GRM1: variants seen among roughly 807,000 people sequenced by gnomAD.
GRM1 encodes the protein metabotropic glutamate receptor 1.
A neutral mutation model predicts 90.9 loss-of-function variants in GRM1; 33 were observed. That is an observed-to-expected ratio of 0.36 (90% CI 0.28 to 0.49). The LOEUF (loss-of-function observed/expected upper bound fraction) is 0.49, where lower values mean the gene tolerates loss of function less well. GRM1 is among the 20% of genes least tolerant of loss of function. The pLI, the probability that GRM1 is intolerant of heterozygous loss-of-function variation, is 0.99. For missense variants in GRM1, 1,190 were observed against 1,534.3 expected, an observed-to-expected ratio of 0.78 and a Z score of 3.75; for synonymous variants, 700 against 613.2, an observed-to-expected ratio of 1.14 and a Z score of -2.09.
At chr6:146,178,884 C>A (rs988137259) in intron 2 of GRM1, among the ~76,000 whole-genome samples, 2 of 152,150 alleles carry the variant, frequency 1.3e-5, no homozygotes. Flanking sequence ...TAAGGTGAAG[C>A]TGGGTTAGGA....
chr6:146,313,738 C>T (rs1562601231), intron 3 of GRM1, among the ~76,000 whole-genome samples: 1 of 151,714 alleles, frequency 6.6e-6, no homozygotes, highest in Admixed American at 6.6e-5. Flanking sequence ...TAAAGTGCAC[C>T]AAAAAAATTG....
intron 2 of GRM1, among the ~76,000 whole-genome samples, chr6:146,181,250 CAAAA>C (rs1023322491): frequency 6.9e-6 from 1 of 145,740 alleles, no homozygotes; most frequent in Non-Finnish European, 1.5e-5. Flanking sequence ...AAAAAAAAAA[CAAAA>C]AAAACCACAA....
At chr6:146,066,443 A>T (rs187772764) in intron 1 of GRM1, among the ~76,000 whole-genome samples, 1 of 152,188 alleles carries the variant, frequency 6.6e-6, no homozygotes, top group Non-Finnish European at 1.5e-5. Context: ...CATTTTCTTT[A>T]TCCAATCCAC....
chr6:146,180,347 T>G (rs1056206085), intron 2 of GRM1, among the ~76,000 whole-genome samples: 3 of 152,158 alleles, frequency 2.0e-5, no homozygotes, highest in Admixed American at 2.0e-4. Context: ...TTATTTTCAC[T>G]GACAATATGA....
intron 1 of GRM1, among the ~76,000 whole-genome samples, chr6:146,118,745 C>T (rs1366926121): frequency 6.6e-6 from 1 of 152,320 alleles, no homozygotes; most frequent in East Asian, 1.9e-4. Flanking sequence ...CCAGCTTCAT[C>T]CATGTCCCTA....
chr6:146,416,512 T>C (rs1307927435), intron 7 of GRM1, among the ~76,000 whole-genome samples: 1 of 152,222 alleles, frequency 6.6e-6, no homozygotes, highest in African/African-American at 2.4e-5. Context: ...TAAATTTATC[T>C]TGCATCACTG....
chr6:146,272,010 A>C (rs1454094807), intron 2 of GRM1, among the ~76,000 whole-genome samples: 1 of 152,076 alleles, frequency 6.6e-6, no homozygotes, highest in African/African-American at 2.4e-5. Context: ...ATAATCCTCC[A>C]CGTTCCTGCA....
chr6:146,114,856 A>G (rs1775683794), intron 1 of GRM1, among the ~76,000 whole-genome samples: 1 of 152,112 alleles, frequency 6.6e-6, no homozygotes. Flanking sequence ...TTAAGGATCA[A>G]AAATACACAA....
At chr6:146,157,637 G>A (rs928264454) in intron 1 of GRM1, among the ~76,000 whole-genome samples, 6 of 152,110 alleles carry the variant, frequency 3.9e-5, no homozygotes, top group Admixed American at 3.9e-4. Flanking sequence ...GACACTGATA[G>A]GAAGGAGAAA....
chr6:146,300,472 T>A (rs1583294095), intron 2 of GRM1, among the ~76,000 whole-genome samples: 1 of 152,206 alleles, frequency 6.6e-6, no homozygotes, highest in African/African-American at 2.4e-5. Context: ...TTTTATAGGT[T>A]GATTGGAAAA....
At chr6:146,201,709 A>G (rs1779303896) in intron 2 of GRM1, among the ~76,000 whole-genome samples, 2 of 152,218 alleles carry the variant, frequency 1.3e-5, no homozygotes, top group African/African-American at 4.8e-5. Context: ...ATTGTTCTAT[A>G]TGTTAACTTG....
At chr6:146,091,706 T>C (rs1331419138) in intron 1 of GRM1, among the ~76,000 whole-genome samples, 3 of 152,088 alleles carry the variant, frequency 2.0e-5, no homozygotes, top group Non-Finnish European at 4.4e-5. Flanking sequence ...GGACAGCTTT[T>C]AAATGTAGAT....
Position 146,435,603 on chromosome 6 carries a change from C to A in GRM1, c.*807C>A, listed in dbSNP as rs1360457747. Reference sequence around the variant, plus strand: ...AGGAAGGAGCTAGAAATAGAACAATCCATCAGCATGAGACTTTGAAAAAAA... The same window carrying A: ...AGGAAGGAGCTAGAAATAGAACAATACATCAGCATGAGACTTTGAAAAAAA... On this transcript the variant is annotated 3_prime_UTR_variant, in exon 8 of 8. Coordinates refer to ENST00000282753, the MANE Select transcript of GRM1 (RefSeq NM_001278064.2). The A allele has an allele frequency of 6.6e-6, 1 of 152,546 alleles. No homozygotes were observed. Among genetic ancestry groups the A allele is most frequent in the East Asian group, 1.9e-4 (1 of 5,194 alleles). The allele number at this position is 152,546 out of a possible 1,614,324, so 9.4% of individuals were successfully genotyped here. A position where few individuals can be genotyped will look rare whatever the true frequency, so the allele number is the denominator to read the frequency against.
chr6:146,203,388 G>T (rs979447812), intron 2 of GRM1, among the ~76,000 whole-genome samples: 5 of 152,028 alleles, frequency 3.3e-5, no homozygotes, highest in Admixed American at 1.3e-4. Flanking sequence ...CTCCACCAGG[G>T]CATTAGAGTC....
chr6:146,162,113 T>C (rs1242824799), intron 2 of GRM1, among the ~76,000 whole-genome samples: 1 of 152,150 alleles, frequency 6.6e-6, no homozygotes, highest in East Asian at 1.9e-4. Context: ...GTCAAATATA[T>C]CTCCCTCCCT....
intron 2 of GRM1, among the ~76,000 whole-genome samples, chr6:146,180,423 TTA>T (rs2114542849): frequency 6.6e-6 from 1 of 152,312 alleles, no homozygotes; most frequent in Non-Finnish European, 1.5e-5. Context: ...TAACTGATTT[TTA>T]CATAATGAGG....
intron 1 of GRM1, among the ~76,000 whole-genome samples, chr6:146,056,322 C>T (rs1775478487): frequency 6.6e-6 from 1 of 152,000 alleles, no homozygotes; most frequent in Non-Finnish European, 1.5e-5. Flanking sequence ...CAACTGTGGT[C>T]ATGGGAGAAG....
intron 2 of GRM1, among the ~76,000 whole-genome samples, chr6:146,264,916 TTTCTTTATTCAGG>T (rs1781825668): frequency 2.0e-5 from 3 of 152,184 alleles, no homozygotes; most frequent in Admixed American, 1.3e-4. Context: ...CATCCCTCAT[TTTCTTTATTCAGG>T]TATCACTTGA....
At chr6:146,282,562 A>G (rs117173492) in intron 2 of GRM1, among the ~76,000 whole-genome samples, 1,931 of 152,212 alleles carry the variant, frequency 0.013, 16 homozygotes, top group Non-Finnish European at 0.019. Context: ...CCCCACCAAA[A>G]AAAAAAAGGG....
Sources: allele counts gnomAD v4.1 joint callset (sites outside exome capture counted in the v4.1 genomes callset), GRCh38; gene constraint gnomAD v4.1.1; transcripts MANE v1.5; gene names NCBI Gene and HGNC (gene_info 2026-07-23, HGNC 2026-07-21).